CCSER1: variants seen among roughly 807,000 people sequenced by gnomAD.
CCSER1 encodes coiled-coil serine rich protein 1.
Under a neutral mutation model 82.0 loss-of-function variants are expected in CCSER1, and 41 were observed. The observed-to-expected ratio is 0.50, with a 90% CI of 0.39 to 0.65. CCSER1 has a LOEUF of 0.65. Ranked by LOEUF, CCSER1 falls within the 30% of genes least tolerant of loss-of-function variation. The pLI is 0.00. For synonymous variants in CCSER1, 414 were observed against 383.9 expected, an observed-to-expected ratio of 1.08 and a Z score of -0.92; for missense variants, 1,119 against 1,064.2, an observed-to-expected ratio of 1.05 and a Z score of -0.72.
chr4:90,756,790 GC>G (rs1749602704), intron 7 of CCSER1, among the ~76,000 whole-genome samples: 1 of 152,110 alleles, frequency 6.6e-6, no homozygotes, highest in Admixed American at 6.5e-5. Flanking sequence ...CTAGCTAAGT[GC>G]CTTGCATATT....
chr4:90,723,448 A>G (rs1262619657), intron 6 of CCSER1, among the ~76,000 whole-genome samples: 1 of 151,910 alleles, frequency 6.6e-6, no homozygotes, highest in Non-Finnish European at 1.5e-5. Context: ...TTGTAATTGT[A>G]TATTATGGCA....
chr4:90,776,867 T>C (rs1752957971), intron 7 of CCSER1, among the ~76,000 whole-genome samples: 1 of 152,200 alleles, frequency 6.6e-6, no homozygotes, highest in African/African-American at 2.4e-5. Context: ...TTTCTCTCTC[T>C]TATTGTTTCC....
intron 10 of CCSER1, among the ~76,000 whole-genome samples, chr4:91,417,818 C>T (rs1339289251): frequency 6.6e-6 from 1 of 151,648 alleles, no homozygotes; most frequent in Non-Finnish European, 1.5e-5. Context: ...CAAACCTGCA[C>T]ATTGTGCACG....
intron 6 of CCSER1, among the ~76,000 whole-genome samples, chr4:90,684,117 C>T (rs557658124): frequency 1.3e-5 from 2 of 152,080 alleles, no homozygotes; most frequent in Admixed American, 6.6e-5. Context: ...ATGACATTGT[C>T]AAAATTAGAA....
At chr4:91,426,750 G>T (rs372624296) in intron 10 of CCSER1, among the ~76,000 whole-genome samples, 1 of 151,996 alleles carries the variant, frequency 6.6e-6, no homozygotes, top group African/African-American at 2.4e-5. Context: ...GTAAATTTTG[G>T]ATACTTAATA....
chr4:91,491,509 T>C (rs1758540423), intron 10 of CCSER1, among the ~76,000 whole-genome samples: 1 of 152,132 alleles, frequency 6.6e-6, no homozygotes. Context: ...ATGTAAATCA[T>C]ATTATTGTTA....
chr4:90,495,115 C>T (rs1462581195), intron 5 of CCSER1, among the ~76,000 whole-genome samples: 1 of 152,100 alleles, frequency 6.6e-6, no homozygotes, highest in Non-Finnish European at 1.5e-5. Flanking sequence ...TTTCACAGTT[C>T]TTGTCTATTT....
rs773198911 is a variant in CCSER1 at position 90,286,599 on chromosome 4, T to A, written c.-41-21645T>A. On this transcript the variant is annotated intron_variant, in intron 1 of 10. Transcript: ENST00000509176. Reference sequence around the variant, plus strand: ...TGATTTCTTATGCAAAGTGAAATTTTGAAGCTTTAAATAATTTAATTTTAC... The same window carrying A: ...TGATTTCTTATGCAAAGTGAAATTTAGAAGCTTTAAATAATTTAATTTTAC... Among the ~76,000 whole-genome samples the A allele has an allele frequency of 7.6e-4, 115 of 152,182 alleles. 1 individual carries two copies. The highest frequency in any genetic ancestry group is 8.8e-5 in the Non-Finnish European group (6 of 67,958).
At position 90,419,217 on chromosome 4, in the gene CCSER1, G is replaced by A. The variant is rs1469441187; in HGVS notation, c.1603+19088G>A. Among the ~76,000 whole-genome samples the A allele has an allele frequency of 3.3e-5, 5 of 152,024 alleles. No individual in the cohort carries two copies. The East Asian group carries it at 5.8e-4, about 18-fold the overall frequency. On this transcript the variant is annotated intron_variant, in intron 4 of 10. Transcript: ENST00000509176. ...TGTGATCTCAGTTGTCACTTTGTGT[G>A]TTTCATCAGCAGATCCTATTACTCT... is the stretch of plus-strand genomic sequence containing the variant.
At chr4:91,561,965 C>A (rs1762671049) in intron 10 of CCSER1, among the ~76,000 whole-genome samples, 1 of 151,368 alleles carries the variant, frequency 6.6e-6, no homozygotes, top group African/African-American at 2.4e-5. Context: ...AGCTCTACAT[C>A]TTATTTTATC....
intron 9 of CCSER1, among the ~76,000 whole-genome samples, chr4:91,073,873 C>T (rs1284399604): frequency 6.6e-6 from 1 of 152,018 alleles, no homozygotes; most frequent in Non-Finnish European, 1.5e-5. Context: ...CTGCAGAGAT[C>T]ATCCATTACA....
chr4:91,592,621 C>G (rs976570142), intron 10 of CCSER1, among the ~76,000 whole-genome samples: 1 of 152,110 alleles, frequency 6.6e-6, no homozygotes, highest in Admixed American at 6.6e-5. Context: ...TTCTGATTCA[C>G]TTTAACATAA....
chr4:91,112,914 C>T (rs913571586), intron 10 of CCSER1: 1 of 152,136 alleles, frequency 6.6e-6, no homozygotes, highest in Non-Finnish European at 1.5e-5. Flanking sequence ...CCTTAACTTA[C>T]CATTTTAGAA....
At chr4:90,549,185 T>A (rs1044784342) in intron 5 of CCSER1, among the ~76,000 whole-genome samples, 2 of 152,196 alleles carry the variant, frequency 1.3e-5, no homozygotes, top group African/African-American at 4.8e-5. Flanking sequence ...TTAACAAATG[T>A]TAGTTGGCCA....
chr4:90,746,911 C>A (rs1747574291), intron 7 of CCSER1, among the ~76,000 whole-genome samples: 1 of 152,244 alleles, frequency 6.6e-6, no homozygotes, highest in African/African-American at 2.4e-5. Context: ...AATGGCATTT[C>A]AACTCAGGTC....
chr4:91,565,835 A>G (rs1762862820), intron 10 of CCSER1, among the ~76,000 whole-genome samples: 1 of 152,134 alleles, frequency 6.6e-6, no homozygotes, highest in Non-Finnish European at 1.5e-5. Context: ...GTTATCTAAA[A>G]CAGAGATAGT....
intron 5 of CCSER1, among the ~76,000 whole-genome samples, chr4:90,558,932 T>C (rs1158601574): frequency 6.6e-6 from 1 of 152,174 alleles, no homozygotes; most frequent in Non-Finnish European, 1.5e-5. Flanking sequence ...CCAATTGAAT[T>C]ATCTTTCTAA....
At chr4:90,181,871 G>T (rs1733791614) in intron 1 of CCSER1, among the ~76,000 whole-genome samples, 1 of 152,154 alleles carries the variant, frequency 6.6e-6, no homozygotes, top group East Asian at 1.9e-4. Context: ...TCCTCTGAGA[G>T]TGTGAGACAG....
chr4:90,932,955 AAAGAAAGAAAGAAAG>A lies in CCSER1; in HGVS notation c.2172+9511_2172+9525del, dbSNP rs1730142527. 4.5e-5 allele frequency among the ~76,000 whole-genome samples: 2 copies of A among 44,218 alleles called. 1 individual carries two copies. Among genetic ancestry groups the A allele is most frequent in the African/African-American group, 3.5e-4 (2 of 5,656 alleles). 29.0% of individuals were successfully genotyped at this position (44,218 alleles called of 152,430 possible). On this transcript the variant is annotated intron_variant, in intron 9 of 10. Transcript: ENST00000509176. ...GAAAGAAAGAAAGAAAGAAAGAAAG[AAAGAAAGAAAGAAAG>A]AAAGAAAGAAAGAGAAAGAAAGAAA...
Sources: allele counts gnomAD v4.1 joint callset (sites outside exome capture counted in the v4.1 genomes callset), GRCh38; gene constraint gnomAD v4.1.1; transcripts MANE v1.5; gene names NCBI Gene and HGNC (gene_info 2026-07-23, HGNC 2026-07-21).